The following STXBP5 variants were observed in gnomAD, a reference collection of about 807,000 sequenced individuals.
The protein encoded by STXBP5 is syntaxin-binding protein 5.
Under a neutral mutation model 152.4 loss-of-function variants are expected in STXBP5, and 50 were observed. The observed-to-expected ratio is 0.33, with a 90% CI of 0.26 to 0.42. STXBP5 has a LOEUF of 0.42. Ranked by LOEUF, STXBP5 falls within the 10% of genes least tolerant of loss-of-function variation. STXBP5 has a pLI of 1.00. For missense variants in STXBP5, 1,167 were observed against 1,388.6 expected (o/e 0.84, Z 2.54); for synonymous variants, 492 against 494.7 (o/e 0.99, Z 0.07).
intron 7 of STXBP5, among the ~76,000 whole-genome samples, chr6:147,275,038 G>GTT (rs1181699797): frequency 6.6e-6 from 1 of 152,054 alleles, no homozygotes; most frequent in African/African-American, 2.4e-5. Context: ...AATTTGATAG[G>GTT]TAAGCAGTTA....
At position 147,256,249 on chromosome 6, in the gene STXBP5, C is replaced by G. The variant is rs1779356930; in HGVS notation, c.432-4366C>G. On this transcript the variant is annotated intron_variant, in intron 4 of 27. Transcript: ENST00000321680. ...TACTGTTCAGATCTCTGTAAACATC[C>G]TTGTCAGCAGAGATAGCAACAGAAA... is the stretch of plus-strand genomic sequence containing the variant. 2.6e-5 allele frequency among the ~76,000 whole-genome samples: 4 copies of G among 152,202 alleles called. No homozygotes were observed. The South Asian group carries it at 8.3e-4, about 32-fold the overall frequency.
At chr6:147,259,620 CT>C (rs1428888462) in intron 4 of STXBP5, among the ~76,000 whole-genome samples, 1 of 152,050 alleles carries the variant, frequency 6.6e-6, no homozygotes, top group Non-Finnish European at 1.5e-5. Flanking sequence ...ATTCTGTATG[CT>C]TTGCCGAGTG....
rs146675718 is a variant in STXBP5 at position 147,368,101 on chromosome 6, C to T, written c.3081+3935C>T. Among the ~76,000 whole-genome samples the T allele has an allele frequency of 7.4e-4, 112 of 152,146 alleles. 1 individual carries two copies. The East Asian group carries it at 9.7e-3, about 13-fold the overall frequency. The stretch of plus-strand genomic sequence containing the variant: ...TCAACATTTCAGGAAGAAATAACAC[C>T]GGTTCACAAACTTTTCCAAAAACTG... On this transcript the variant is annotated intron_variant, in intron 25 of 27. Coordinates refer to ENST00000321680, the MANE Select transcript of STXBP5 (RefSeq NM_001127715.4).
At chr6:147,336,666 A>T (rs950046757) in intron 19 of STXBP5, among the ~76,000 whole-genome samples, 2 of 152,114 alleles carry the variant, frequency 1.3e-5, no homozygotes, top group African/African-American at 4.8e-5. Flanking sequence ...TGCATTATAG[A>T]TTATTAAAAC....
chr6:147,369,043 GAAA>G (rs575958700), intron 25 of STXBP5, among the ~76,000 whole-genome samples: 4 of 151,726 alleles, frequency 2.6e-5, no homozygotes, highest in Non-Finnish European at 5.9e-5. Context: ...AAACAGCTCT[GAAA>G]AAAATGGAAG....
chr6:147,345,153 A>T (rs969778999), intron 21 of STXBP5, among the ~76,000 whole-genome samples: 3 of 152,134 alleles, frequency 2.0e-5, no homozygotes, highest in Admixed American at 2.0e-4. Flanking sequence ...GAAATTCATC[A>T]TTCTATATAA....
chr6:147,273,811 G>A (rs914896530), intron 7 of STXBP5, among the ~76,000 whole-genome samples: 5 of 152,096 alleles, frequency 3.3e-5, no homozygotes, highest in Admixed American at 1.3e-4. Flanking sequence ...AACTAGCCAG[G>A]TGTGGTGGTG....
rs373642664 is a variant in STXBP5 at position 147,385,795 on chromosome 6, T to C, written c.*1040T>C. 5.9e-5 allele frequency: 9 copies of C among 152,244 alleles called. No individual in the cohort carries two copies. The highest frequency in any genetic ancestry group is 1.3e-4 in the Non-Finnish European group (9 of 67,982). The allele number at this position is 152,244 out of a possible 1,614,324, so 9.4% of individuals were successfully genotyped here. Reference sequence around the variant, plus strand: ...CCTTTTCAAAATGCCCTTTATTTGCTAACTGTTCCAATACACTCAGGTGAT... The same window carrying C: ...CCTTTTCAAAATGCCCTTTATTTGCCAACTGTTCCAATACACTCAGGTGAT... On this transcript the variant is annotated 3_prime_UTR_variant, in exon 28 of 28. Transcript: ENST00000321680.
At position 147,314,249 on chromosome 6, in the gene STXBP5, C is replaced by G. The variant is rs1039083; in HGVS notation, c.1294-15C>G. ...ATGCTTGCAAGTTGCTTTATACAGT[C>G]ATCTTTTTTTATAGGAATGGCCCAT... On this transcript the variant is annotated splice_polypyrimidine_tract_variant and intron_variant, in intron 12 of 27. Coordinates refer to ENST00000321680, the MANE Select transcript of STXBP5 (RefSeq NM_001127715.4). The G allele has an allele frequency of 0.58, 918,305 of 1,585,124 alleles. 270,055 individuals carry two copies. The highest frequency in any genetic ancestry group is 0.61 in the Admixed American group (36,319 of 59,840).
intron 10 of STXBP5, 147 bp from the exon 11 acceptor site, chr6:147,311,308 C>G (rs544986385): frequency 1.5e-6 from 1 of 687,786 alleles, no homozygotes; most frequent in Non-Finnish European, 2.4e-6. Flanking sequence ...ACTTACTAGC[C>G]TTAAATAACA....
intron 4 of STXBP5, among the ~76,000 whole-genome samples, chr6:147,251,220 G>A (rs1374741470): frequency 6.6e-6 from 1 of 152,144 alleles, no homozygotes; most frequent in African/African-American, 2.4e-5. Flanking sequence ...GGGAAGCCAT[G>A]AGGTATGGTG....
intron 14 of STXBP5, among the ~76,000 whole-genome samples, 185 bp downstream of exon 14, chr6:147,314,821 A>G (rs193161567): frequency 6.6e-6 from 1 of 152,264 alleles, no homozygotes; most frequent in Non-Finnish European, 1.5e-5. Flanking sequence ...GTAAATCAAG[A>G]ATAATTGGCA....
At chr6:147,240,778 A>C (rs114458031) in intron 4 of STXBP5, among the ~76,000 whole-genome samples, 2 of 152,190 alleles carry the variant, frequency 1.3e-5, no homozygotes, top group Non-Finnish European at 2.9e-5. Context: ...ATGACATTTC[A>C]TGGAATTAGT....
At chr6:147,290,085 C>T (rs930349479) in intron 8 of STXBP5, among the ~76,000 whole-genome samples, 28 of 151,938 alleles carry the variant, frequency 1.8e-4, no homozygotes, top group Admixed American at 1.4e-3. Context: ...GGTATGCACC[C>T]GTGGTCTAAT....
In STXBP5 at chr6:147,204,738, AG is replaced by A. The variant is rs1243883170; in HGVS notation, c.150+61del. ...TCATTGAAAAATTGGGGTTGTTTTA[AG>A]GGGGCTACTCGGGCTTTACATGGGA... On this transcript the variant is annotated intron_variant, in intron 1 of 27. Transcript: ENST00000321680. This position sits in a 1 kb window ranked among gnomAD's most constrained non-coding sequence, Gnocchi z 4.3. The A allele has an allele frequency of 1.3e-6, 2 of 1,502,824 alleles. No individual in the cohort carries two copies. Among genetic ancestry groups the A allele is most frequent in the East Asian group, 2.5e-5 (1 of 40,072 alleles). The allele number at this position is 1,502,824 out of a possible 1,614,324, so 93.1% of individuals were successfully genotyped here.
intron 2 of STXBP5, among the ~76,000 whole-genome samples, chr6:147,220,964 A>G (rs1777428165): frequency 6.6e-6 from 1 of 151,882 alleles, no homozygotes; most frequent in Admixed American, 6.6e-5. Context: ...CGTTCTTTTT[A>G]TGCCTCTTGT....
chr6:147,218,534 G>A lies in STXBP5; in HGVS notation c.248+12466G>A, dbSNP rs140469630. ...CTTGCTCTGTTTCCCAGGCTGGAGT[G>A]CAGTGGTACAAACACAGCTCACTGC... is the stretch of plus-strand genomic sequence containing the variant. On this transcript the variant is annotated intron_variant, in intron 2 of 27. Coordinates refer to ENST00000321680, the MANE Select transcript of STXBP5 (RefSeq NM_001127715.4). Among the ~76,000 whole-genome samples the A allele has an allele frequency of 4.0e-3, 607 of 152,044 alleles. 1 individual carries two copies. Among genetic ancestry groups the A allele is most frequent in the Non-Finnish European group, 7.1e-3 (485 of 67,974 alleles).
At chr6:147,305,360 C>T (rs556450931) in intron 9 of STXBP5, among the ~76,000 whole-genome samples, 3 of 152,134 alleles carry the variant, frequency 2.0e-5, no homozygotes, top group Non-Finnish European at 4.4e-5. Flanking sequence ...CTGATATTTT[C>T]AATTTTATTT....
At chr6:147,289,753 C>T (rs184437115) in intron 8 of STXBP5, among the ~76,000 whole-genome samples, 26 of 151,716 alleles carry the variant, frequency 1.7e-4, no homozygotes, top group Admixed American at 1.6e-3. Flanking sequence ...AAAAACATTG[C>T]TAGGGGAGGA....
Sources: allele counts gnomAD v4.1 joint callset (sites outside exome capture counted in the v4.1 genomes callset), GRCh38; gene constraint gnomAD v4.1.1; non-coding constraint Gnocchi (gnomAD v3.1); transcripts MANE v1.5; gene names NCBI Gene and HGNC (gene_info 2026-07-23, HGNC 2026-07-21).